EPHB2: variants seen among roughly 807,000 people sequenced by gnomAD.
EPHB2 encodes EPH receptor B2, also known as ephrin type-B receptor 2.
Under a neutral mutation model 96.4 loss-of-function variants are expected in EPHB2, and 18 were observed. That is an observed-to-expected ratio of 0.19 (90% CI 0.13 to 0.28). The LOEUF is 0.28. EPHB2 is among the 10% of genes least tolerant of loss of function. The pLI is 1.00. For missense variants in EPHB2, 989 were observed against 1,355.4 expected (o/e 0.73, Z 4.25); for synonymous variants, 506 against 534.1 (o/e 0.95, Z 0.72).
chr1:22,812,911 A>C (rs1645023340), intron 3 of EPHB2, among the ~76,000 whole-genome samples: 1 of 152,162 alleles, frequency 6.6e-6, no homozygotes. Flanking sequence ...GGGATGAGTG[A>C]ATGACTACAA....
At chr1:22,768,553 G>A (rs1188035555) in intron 1 of EPHB2, among the ~76,000 whole-genome samples, 1 of 151,996 alleles carries the variant, frequency 6.6e-6, no homozygotes, top group Non-Finnish European at 1.5e-5. Flanking sequence ...AGCAAGCAGG[G>A]CATGGTGATC....
At chr1:22,911,056 C>T (rs569014575) in intron 14 of EPHB2, among the ~76,000 whole-genome samples, 1 of 152,110 alleles carries the variant, frequency 6.6e-6, no homozygotes, top group East Asian at 1.9e-4. Context: ...AGGAGAATCG[C>T]TTGAACCCAG....
rs1644095434 is a variant in EPHB2 at position 22,753,408 on chromosome 1, AGGCACTGGGTCCTGCACTG to A, written c.62-28009_62-27991del. ...TGGCTCCTCTTGTCACATGATCACG[AGGCACTGGGTCCTGCACTG>A]GGCTGTCATGGTCCAGTCAGGTGGC... On this transcript the variant is annotated intron_variant, in intron 1 of 15. Transcript: ENST00000374630. Among the ~76,000 whole-genome samples the A allele has an allele frequency of 2.6e-5, 4 of 152,062 alleles. No homozygotes were observed. The South Asian group carries it at 8.3e-4, about 32-fold the overall frequency.
intron 5 of EPHB2, among the ~76,000 whole-genome samples, chr1:22,877,151 T>G (rs1557729434): frequency 2.0e-5 from 3 of 152,180 alleles, no homozygotes; most frequent in African/African-American, 7.2e-5. Context: ...TCAGCCGGCA[T>G]CAGCCACAGC....
chr1:22,773,024 A>G (rs1644400160), intron 1 of EPHB2, among the ~76,000 whole-genome samples: 1 of 152,106 alleles, frequency 6.6e-6, no homozygotes, highest in Admixed American at 6.5e-5. Flanking sequence ...GATGTAAATG[A>G]GACAATATCG....
At chr1:22,720,856 A>G (rs931229895) in intron 1 of EPHB2, among the ~76,000 whole-genome samples, 1 of 152,124 alleles carries the variant, frequency 6.6e-6, no homozygotes, top group African/African-American at 2.4e-5. Context: ...GATATTCAAG[A>G]CCTAGTATGA....
intron 2 of EPHB2, among the ~76,000 whole-genome samples, chr1:22,782,492 C>T (rs1644548608): frequency 2.1e-5 from 3 of 142,382 alleles, no homozygotes; most frequent in Admixed American, 7.2e-5. Context: ...TCTCAATAGG[C>T]AGGGCCCCAG....
At chr1:22,746,320 A>G (rs888077587) in intron 1 of EPHB2, among the ~76,000 whole-genome samples, 1 of 152,210 alleles carries the variant, frequency 6.6e-6, no homozygotes, top group Non-Finnish European at 1.5e-5. Context: ...GTATGGACTG[A>G]AAGATGAGCG....
intron 1 of EPHB2, among the ~76,000 whole-genome samples, chr1:22,732,747 C>T (rs770930980): frequency 2.0e-5 from 3 of 152,146 alleles, no homozygotes; most frequent in East Asian, 1.9e-4. Context: ...GCTTACAAGG[C>T]GCGCTCACAT....
chr1:22,862,000 C>T (rs912027645), intron 3 of EPHB2, among the ~76,000 whole-genome samples: 9 of 152,344 alleles, frequency 5.9e-5, no homozygotes, highest in Non-Finnish European at 1.0e-4. Context: ...CCCACTTACC[C>T]ATTGCACAAT....
intron 3 of EPHB2, among the ~76,000 whole-genome samples, chr1:22,822,639 C>T (rs1277773886): frequency 2.0e-5 from 3 of 152,216 alleles, no homozygotes; most frequent in Admixed American, 1.3e-4. Context: ...CATCACAGAG[C>T]AGGCTGGAGC....
chr1:22,849,584 C>T (rs964462359), intron 3 of EPHB2, among the ~76,000 whole-genome samples: 1 of 152,186 alleles, frequency 6.6e-6, no homozygotes, highest in Non-Finnish European at 1.5e-5. Context: ...CCATATAGAA[C>T]CAAAGACAGA....
At chr1:22,883,633 G>A (rs913635999) in intron 6 of EPHB2, among the ~76,000 whole-genome samples, 3 of 152,208 alleles carry the variant, frequency 2.0e-5, no homozygotes, top group Admixed American at 2.0e-4. Flanking sequence ...GTCAATTGCA[G>A]CCAGTCCTGC....
At chr1:22,835,942 CAT>C (rs1318592134) in intron 3 of EPHB2, 1 of 151,634 alleles carries the variant, frequency 6.6e-6, no homozygotes, top group Non-Finnish European at 1.5e-5. Flanking sequence ...GGCTGGAGGA[CAT>C]GTGCTGAGCT....
intron 1 of EPHB2, among the ~76,000 whole-genome samples, chr1:22,754,508 CT>C: frequency 6.6e-6 from 1 of 151,872 alleles, no homozygotes; most frequent in Non-Finnish European, 1.5e-5. Context: ...GGGAGGACAC[CT>C]GAGACCAGGG....
chr1:22,846,293 G>A lies in EPHB2; in HGVS notation c.812-16744G>A, dbSNP rs560386131. Among the ~76,000 whole-genome samples the A allele has an allele frequency of 2.6e-5, 4 of 152,104 alleles. No individual in the cohort carries two copies. The highest frequency in any genetic ancestry group is 5.9e-5 in the Non-Finnish European group (4 of 67,994). On this transcript the variant is annotated intron_variant, in intron 3 of 15. Coordinates refer to ENST00000374630, the MANE Select transcript of EPHB2 (RefSeq NM_017449.5). This position sits in a 1 kb window ranked among gnomAD's most constrained non-coding sequence, Gnocchi z 4.3. ...TAGTCGGGCATAGTGACGTGCGCCT[G>A]TAATCCCAGCTACTAGGGAGGCTGA...
rs532055153 is a variant in EPHB2, at chr1:22,799,441, A to T, written c.811+14365A>T. Among the ~76,000 whole-genome samples the T allele has an allele frequency of 1.2e-3, 189 of 152,326 alleles. 2 individuals are homozygous for T. The highest frequency in any genetic ancestry group is 4.1e-3 in the African/African-American group (169 of 41,574). On this transcript the variant is annotated intron_variant, in intron 3 of 15. Transcript: ENST00000374630. Reference sequence around the variant, plus strand: ...AGGTGACTCACCTACCCAAGCCTTGATCGCCTCATCTCTAAAATGGGTTCA... The same window carrying T: ...AGGTGACTCACCTACCCAAGCCTTGTTCGCCTCATCTCTAAAATGGGTTCA...
intron 3 of EPHB2, among the ~76,000 whole-genome samples, chr1:22,792,181 T>C (rs1644703394): frequency 6.6e-6 from 1 of 150,640 alleles, no homozygotes; most frequent in South Asian, 2.1e-4. Context: ...CCCAGAAGTG[T>C]CTGGGGGAGT....
intron 5 of EPHB2, among the ~76,000 whole-genome samples, chr1:22,880,350 G>A (rs1638996303): frequency 6.6e-6 from 1 of 152,244 alleles, no homozygotes; most frequent in Non-Finnish European, 1.5e-5. Context: ...AGCCCCTGCA[G>A]AGCAGGACTT....
Sources: allele counts gnomAD v4.1 joint callset (sites outside exome capture counted in the v4.1 genomes callset), GRCh38; gene constraint gnomAD v4.1.1; non-coding constraint Gnocchi (gnomAD v3.1); transcripts MANE v1.5; gene names NCBI Gene and HGNC (gene_info 2026-07-23, HGNC 2026-07-21).